The following SLC2A9 variants were observed in gnomAD, a reference collection of about 807,000 sequenced individuals.
SLC2A9 encodes solute carrier family 2 member 9, also known as solute carrier family 2, facilitated glucose transporter member 9.
SLC2A9 carries 39 observed loss-of-function variants against 50.6 expected under a neutral mutation model. That is an observed-to-expected ratio of 0.77 (90% CI 0.60 to 1.01). The LOEUF is 1.01. Among genes scored for constraint, SLC2A9 ranks in the 50% least tolerant of loss-of-function variants. The pLI, the probability that SLC2A9 is intolerant of heterozygous loss-of-function variation, is 0.00. For missense variants in SLC2A9, 686 were observed against 677.6 expected (o/e 1.01, Z -0.14); for synonymous variants, 324 against 276.9 (o/e 1.17, Z -1.69).
At chr4:9,901,391 C>A (rs767454245) in intron 8 of SLC2A9, among the ~76,000 whole-genome samples, 1 of 152,114 alleles carries the variant, frequency 6.6e-6, no homozygotes, top group African/African-American at 2.4e-5. Context: ...CCTTTCGAGG[C>A]CAGTTCTAGA....
chr4:9,890,796 G>C (rs150582323), intron 8 of SLC2A9, 85 bp from the exon 9 acceptor site: 1 of 1,231,940 alleles, frequency 8.1e-7, no homozygotes, highest in African/African-American at 1.5e-5. Context: ...ACCGGCAATG[G>C]CATCATGATT....
chr4:9,867,822 G>GC (rs1192770976), intron 10 of SLC2A9, among the ~76,000 whole-genome samples: 2 of 152,186 alleles, frequency 1.3e-5, no homozygotes, highest in Admixed American at 1.3e-4. Flanking sequence ...CTAATGGACT[G>GC]CCCCCCTATG....
upstream of SLC2A9, chr4:10,025,795 C>T: frequency 9.6e-7 from 1 of 1,042,658 alleles, no homozygotes; most frequent in Non-Finnish European, 1.5e-6. Flanking sequence ...ACTCTTTTCT[C>T]TGCCCAGCTT....
At chr4:9,829,496 C>G (rs1287418597) in intron 11 of SLC2A9, among the ~76,000 whole-genome samples, 5 of 136,314 alleles carry the variant, frequency 3.7e-5, no homozygotes, top group African/African-American at 1.4e-4. Context: ...AGAAGAGCAA[C>G]AAAAGCAAAA....
At chr4:9,924,456 C>T (rs375861896) in intron 6 of SLC2A9, among the ~76,000 whole-genome samples, 1 of 152,168 alleles carries the variant, frequency 6.6e-6, no homozygotes, top group Non-Finnish European at 1.5e-5. Context: ...CTACGCTGTC[C>T]CCCAGAGGTG....
At chr4:9,887,434 C>A (rs745442134) in intron 10 of SLC2A9, 133 bp downstream of exon 10, 2 of 813,010 alleles carry the variant, frequency 2.5e-6, no homozygotes, top group Non-Finnish European at 3.8e-6. Flanking sequence ...AAAAGAAAGG[C>A]AGCAGACACA....
intron 3 of SLC2A9, among the ~76,000 whole-genome samples, chr4:9,790,206 T>C (rs1719725163): frequency 2.0e-5 from 3 of 152,182 alleles, no homozygotes; most frequent in African/African-American, 7.2e-5. Context: ...AGCTCCTTCA[T>C]GTATATTGCC....
intron 5 of SLC2A9, among the ~76,000 whole-genome samples, chr4:9,957,811 C>T (rs1247784661): frequency 6.6e-6 from 1 of 152,028 alleles, no homozygotes; most frequent in Non-Finnish European, 1.5e-5. Flanking sequence ...CTTAGAAGAG[C>T]AGCCTATTAT....
chr4:9,883,724 C>G (rs1259616751), intron 10 of SLC2A9, among the ~76,000 whole-genome samples: 1 of 152,180 alleles, frequency 6.6e-6, no homozygotes, highest in East Asian at 1.9e-4. Context: ...TTCAGCACCT[C>G]CCAGTCCACA....
At chr4:9,783,278 G>A (rs1365672576) in intron 3 of SLC2A9, 4 of 1,614,158 alleles carry the variant, frequency 2.5e-6, no homozygotes, top group East Asian at 4.5e-5. Context: ...GATGCCCAAC[G>A]CCGTTACCCC....
chr4:9,995,447 G>C (rs79652759), intron 3 of SLC2A9, among the ~76,000 whole-genome samples: 17 of 152,224 alleles, frequency 1.1e-4, no homozygotes, highest in African/African-American at 3.9e-4. Flanking sequence ...GTCAACTCTA[G>C]TTTTCTCCTT....
At chr4:9,778,570 C>A (rs564364074), downstream of SLC2A9, among the ~76,000 whole-genome samples, 9 of 152,188 alleles carry the variant, frequency 5.9e-5, no homozygotes, top group Admixed American at 1.3e-4. Context: ...GCTTTCAATA[C>A]CTCTCCCCAC....
At position 10,040,216 on chromosome 4, in the gene SLC2A9, A is replaced by C. The variant is rs940402799; in HGVS notation, c.-127T>G. The C allele has an allele frequency of 5.3e-5, 8 of 152,340 alleles. No homozygotes were observed. The East Asian group carries it at 1.5e-3, about 29-fold the overall frequency. The allele number at this position is 152,340 out of a possible 1,614,324, so 9.4% of individuals were successfully genotyped here. On this transcript the variant is annotated 5_prime_UTR_variant, in exon 1 of 13. Coordinates refer to the SLC2A9 transcript ENST00000309065. ...GCCCCTCTGGAGTCCAGAATGTTTA[A>C]TTCCAGTGCCTGGTGCCAGCCCTAG...
intron 10 of SLC2A9, among the ~76,000 whole-genome samples, chr4:9,861,633 G>A (rs1560205051): frequency 6.6e-6 from 1 of 151,962 alleles, no homozygotes; most frequent in East Asian, 1.9e-4. Context: ...TGCCATATAG[G>A]GGCTCCTCTT....
chr4:9,896,180 G>A (rs867230106), intron 8 of SLC2A9, among the ~76,000 whole-genome samples: 24 of 152,224 alleles, frequency 1.6e-4, no homozygotes, highest in African/African-American at 5.8e-4. Flanking sequence ...CTGCTAAAAT[G>A]TTATCTGAAG....
At chr4:10,014,667 CT>C (rs1560491418) in intron 2 of SLC2A9, among the ~76,000 whole-genome samples, 1 of 152,188 alleles carries the variant, frequency 6.6e-6, no homozygotes, top group African/African-American at 2.4e-5. Context: ...GAATACAGTC[CT>C]TCAGCTGTCC....
chr4:9,845,588 A>C (rs28656237), intron 10 of SLC2A9, among the ~76,000 whole-genome samples: 23,075 of 149,088 alleles, frequency 0.15, 2,462 homozygotes, highest in African/African-American at 0.3. Flanking sequence ...CGCTACCACG[A>C]CCGGCTAATT....
At chr4:9,883,984 TC>T (rs1404574897) in intron 10 of SLC2A9, among the ~76,000 whole-genome samples, 3 of 152,222 alleles carry the variant, frequency 2.0e-5, no homozygotes, top group African/African-American at 7.2e-5. Flanking sequence ...GCACAGTCTT[TC>T]TCCTTTTCAC....
chr4:9,844,155 A>AAAAG (rs1728544221), intron 10 of SLC2A9, among the ~76,000 whole-genome samples: 1 of 91,690 alleles, frequency 1.1e-5, no homozygotes, highest in Non-Finnish European at 2.1e-5. Flanking sequence ...TTAGTAAAAA[A>AAAAG]AAAATAATAA....
Sources: gnomAD v4.1 joint callset for allele counts (sites outside exome capture counted in the v4.1 genomes callset) on GRCh38, gnomAD v4.1.1 for gene constraint, MANE v1.5 for transcripts, NCBI Gene and HGNC (gene_info 2026-07-23, HGNC 2026-07-21) for gene names.